PANK1: variants seen among roughly 807,000 people sequenced by gnomAD.
The protein encoded by PANK1 is pantothenate kinase 1, also known as pantothenic acid kinase 1.
In PANK1, 18 loss-of-function variants were observed where a neutral mutation model predicts 40.1. The ratio of observed to expected loss-of-function variants is 0.45; its 90% CI spans 0.31 to 0.67. The LOEUF is 0.67. Ranked by LOEUF, PANK1 falls within the 30% of genes least tolerant of loss-of-function variation. The pLI is 0.06. For missense variants in PANK1, 457 were observed against 599.6 expected (o/e 0.76, Z 2.48); for synonymous variants, 242 against 237.7 (o/e 1.02, Z -0.17).
chr10:89,592,696 C>G, intron 5 of PANK1: 2 of 532,558 alleles, frequency 3.8e-6, no homozygotes, highest in Non-Finnish European at 7.7e-6. Flanking sequence ...GTCACCAGCT[C>G]CACCCCTTTT....
intron 1 of PANK1, among the ~76,000 whole-genome samples, chr10:89,619,542 T>A (rs1845418640): frequency 6.6e-6 from 1 of 152,212 alleles, no homozygotes; most frequent in Non-Finnish European, 1.5e-5. Context: ...GAAGTGTTCC[T>A]GGTGAGGCAC....
chr10:89,617,021 G>A (rs1845340645), intron 1 of PANK1, among the ~76,000 whole-genome samples: 1 of 152,218 alleles, frequency 6.6e-6, no homozygotes. Context: ...CCAGGACAGG[G>A]CATTTAATTA....
chr10:89,633,378 A>G (rs910275771), intron 1 of PANK1, among the ~76,000 whole-genome samples: 1 of 152,190 alleles, frequency 6.6e-6, no homozygotes, highest in Non-Finnish European at 1.5e-5. Flanking sequence ...CACCCCAAAG[A>G]ATAAATCACT....
At chr10:89,612,484 G>C (rs1050056067) in intron 1 of PANK1, among the ~76,000 whole-genome samples, 1 of 152,168 alleles carries the variant, frequency 6.6e-6, no homozygotes, top group African/African-American at 2.4e-5. Context: ...TTCAATCCTA[G>C]AGGAAAAACT....
At chr10:89,618,322 G>A (rs74527700) in intron 1 of PANK1, among the ~76,000 whole-genome samples, 1 of 152,154 alleles carries the variant, frequency 6.6e-6, no homozygotes, top group Non-Finnish European at 1.5e-5. Context: ...TACAATGTGT[G>A]GGGGGGTGGT....
intron 1 of PANK1, among the ~76,000 whole-genome samples, chr10:89,635,314 G>A (rs1430140433): frequency 6.6e-6 from 1 of 152,122 alleles, no homozygotes; most frequent in Non-Finnish European, 1.5e-5. Flanking sequence ...AAGATTGGGG[G>A]GCTGCATATG....
chr10:89,626,590 TC>T, intron 1 of PANK1: 1 of 151,870 alleles, frequency 6.6e-6, no homozygotes, highest in Non-Finnish European at 1.5e-5. Context: ...AGGCGTGAGG[TC>T]CTCAGCTTTA....
intron 1 of PANK1, among the ~76,000 whole-genome samples, chr10:89,631,146 A>G (rs1455133230): frequency 6.6e-6 from 1 of 152,222 alleles, no homozygotes; most frequent in Non-Finnish European, 1.5e-5. Context: ...TGATGTCCCT[A>G]AATTATTAGA....
At chr10:89,597,638 G>A (rs1024190012) in intron 3 of PANK1, among the ~76,000 whole-genome samples, 2 of 152,206 alleles carry the variant, frequency 1.3e-5, no homozygotes, top group Non-Finnish European at 2.9e-5. Flanking sequence ...AAGTGTACCT[G>A]TGATGTAATT....
intron 6 of PANK1, among the ~76,000 whole-genome samples, chr10:89,585,373 A>C (rs1444192083): frequency 6.6e-6 from 1 of 152,204 alleles, no homozygotes; most frequent in Non-Finnish European, 1.5e-5. Flanking sequence ...CGGCACAAAT[A>C]ATCAGTCCAC....
intron 1 of PANK1, among the ~76,000 whole-genome samples, chr10:89,624,331 T>G (rs1490421161): frequency 6.6e-6 from 1 of 152,224 alleles, no homozygotes; most frequent in Admixed American, 6.5e-5. Flanking sequence ...TATGAACATT[T>G]AGGTTAAGGA....
intron 1 of PANK1, among the ~76,000 whole-genome samples, chr10:89,612,401 T>C (rs1194229137): frequency 6.6e-6 from 1 of 152,194 alleles, no homozygotes; most frequent in Non-Finnish European, 1.5e-5. Flanking sequence ...TAGATATATA[T>C]ATTTTTGCAT....
chr10:89,609,304 T>A (rs1430272782), intron 2 of PANK1, among the ~76,000 whole-genome samples: 8 of 152,134 alleles, frequency 5.3e-5, no homozygotes, highest in Non-Finnish European at 1.2e-4. Flanking sequence ...CCTCAAGCAA[T>A]CCACCCGCCT....
chr10:89,629,111 T>C (rs907419893), intron 1 of PANK1, among the ~76,000 whole-genome samples: 1 of 152,198 alleles, frequency 6.6e-6, no homozygotes, highest in African/African-American at 2.4e-5. Context: ...AAAAATAAAA[T>C]TAAAAAAGAA....
chr10:89,595,833 AATATAT>A lies in PANK1; in HGVS notation c.900-1850_900-1845del, dbSNP rs369831755. Reference sequence around the variant, plus strand: ...CTCCATCTTAAAAAAAAAAAAAAAAAATATATATATATATATATATATATATATATA... The same window carrying A: ...CTCCATCTTAAAAAAAAAAAAAAAAAATATATATATATATATATATATATA... On this transcript the variant is annotated intron_variant, in intron 3 of 6. Coordinates refer to ENST00000307534, the MANE Select transcript of PANK1 (RefSeq NM_148977.3). Among the ~76,000 whole-genome samples, 88 of 33,756 alleles carry A rather than the reference AATATAT, an allele frequency of 2.6e-3. 1 individual carries two copies. Among genetic ancestry groups the A allele is most frequent in the Admixed American group, 3.4e-3 (8 of 2,362 alleles). The allele number at this position is 33,756 out of a possible 152,430, so 22.1% of individuals were successfully genotyped here.
rs1844811195 is a variant in PANK1, at chr10:89,602,278, C to T, written c.646-2773G>A. On this transcript the variant is annotated intron_variant, in intron 2 of 6. Coordinates refer to ENST00000307534, the MANE Select transcript of PANK1 (RefSeq NM_148977.3). ...TACTAGAAAAGAAACATCATTATTT[C>T]ACCTTTTCCCTAAAAATTATTTTCT... is the stretch of plus-strand genomic sequence containing the variant. Among the ~76,000 whole-genome samples, 3 of 152,360 alleles carry T rather than the reference C, an allele frequency of 2.0e-5. No individual in the cohort carries two copies. The South Asian group carries it at 6.2e-4, about 32-fold the overall frequency.
At chr10:89,584,913 C>T (rs1371185102) in intron 6 of PANK1, among the ~76,000 whole-genome samples, 1 of 152,160 alleles carries the variant, frequency 6.6e-6, no homozygotes, top group African/African-American at 2.4e-5. Flanking sequence ...GTAGCTCTTG[C>T]AAAGGCACTT....
At chr10:89,608,942 G>A (rs7916734) in intron 2 of PANK1, among the ~76,000 whole-genome samples, 12,438 of 152,240 alleles carry the variant, frequency 0.082, 953 homozygotes, top group African/African-American at 0.2. Context: ...ATGATTTGCT[G>A]TCTTCTTCAG....
intron 2 of PANK1, among the ~76,000 whole-genome samples, chr10:89,607,873 C>T (rs1845018159): frequency 6.6e-6 from 1 of 152,036 alleles, no homozygotes; most frequent in African/African-American, 2.4e-5. Flanking sequence ...TCTTGAAAGC[C>T]ACTTTTTAAA....
Sources: allele counts gnomAD v4.1 joint callset (sites outside exome capture counted in the v4.1 genomes callset), GRCh38; gene constraint gnomAD v4.1.1; transcripts MANE v1.5; gene names NCBI Gene and HGNC (gene_info 2026-07-23, HGNC 2026-07-21).